The following STRBP variants were observed in gnomAD, a reference collection of about 807,000 sequenced individuals.
STRBP encodes spermatid perinuclear RNA-binding protein.
A neutral mutation model predicts 80.1 loss-of-function variants in STRBP; 13 were observed. That is an observed-to-expected ratio of 0.16 (90% CI 0.11 to 0.26). The LOEUF (loss-of-function observed/expected upper bound fraction) is 0.26, where lower values mean the gene tolerates loss of function less well. STRBP is among the 10% of genes least tolerant of loss of function. The pLI is 1.00. For synonymous variants in STRBP, 284 were observed against 291.2 expected (o/e 0.98, Z 0.25); for missense variants, 485 against 815.2 (o/e 0.59, Z 4.93).
chr9:123,196,066 C>T (rs1181204271), intron 2 of STRBP, among the ~76,000 whole-genome samples: 1 of 152,028 alleles, frequency 6.6e-6, no homozygotes, highest in African/African-American at 2.4e-5. Flanking sequence ...AGAAGTAAAT[C>T]CATACATCTC....
intron 5 of STRBP, among the ~76,000 whole-genome samples, 172 bp from the exon 6 acceptor site, chr9:123,170,218 C>T (rs1255477312): frequency 6.6e-6 from 1 of 152,170 alleles, no homozygotes; most frequent in Non-Finnish European, 1.5e-5. Context: ...TTTCTCTCCT[C>T]CCAACTTACA....
chr9:123,199,209 C>T (rs578116601), intron 2 of STRBP, among the ~76,000 whole-genome samples: 7 of 152,326 alleles, frequency 4.6e-5, no homozygotes, highest in South Asian at 2.1e-4. Context: ...GCTGGGATTA[C>T]GGGCGTGAGC....
Position 123,123,955 on chromosome 9 carries a change from G to T in STRBP, c.*1642C>A. On this transcript the variant is annotated 3_prime_UTR_variant, in exon 19 of 19. Coordinates refer to ENST00000348403, the MANE Select transcript of STRBP (RefSeq NM_018387.5). ...CTAATGCACAGGATGAGAATGATAAGTTACAGCTATTTCCAGCAAGTGATG... is the reference window on the plus strand; with the variant it reads ...CTAATGCACAGGATGAGAATGATAATTTACAGCTATTTCCAGCAAGTGATG... The T allele has an allele frequency of 4.1e-6, 4 of 985,368 alleles. No homozygotes were observed. Among genetic ancestry groups the T allele is most frequent in the Non-Finnish European group, 4.8e-6 (4 of 829,926 alleles). The allele number at this position is 985,368 out of a possible 1,614,324, so 61.0% of individuals were successfully genotyped here.
At chr9:123,218,426 G>A (rs1204636894) in intron 2 of STRBP, among the ~76,000 whole-genome samples, 2 of 141,344 alleles carry the variant, frequency 1.4e-5, no homozygotes, top group Non-Finnish European at 3.0e-5. Flanking sequence ...GCGGACTGCA[G>A]TGGCGCAATC....
chr9:123,167,942 C>A (rs2037839300), intron 6 of STRBP, among the ~76,000 whole-genome samples: 1 of 151,382 alleles, frequency 6.6e-6, no homozygotes, highest in African/African-American at 2.4e-5. Flanking sequence ...AAAGCTATGA[C>A]AAAATCTCAT....
chr9:123,146,809 G>T, intron 13 of STRBP, 46 bp downstream of exon 13: 1 of 1,471,482 alleles, frequency 6.8e-7, no homozygotes, highest in Non-Finnish European at 9.3e-7. Context: ...CATATTATTT[G>T]GAACATAAAA....
chr9:123,243,245 G>A (rs551009216), intron 1 of STRBP, among the ~76,000 whole-genome samples: 1 of 132,212 alleles, frequency 7.6e-6, no homozygotes, highest in Non-Finnish European at 1.5e-5. Context: ...TGCAGCTAGA[G>A]GAATTAGACA....
intron 11 of STRBP, among the ~76,000 whole-genome samples, chr9:123,151,947 CAAAAT>C (rs142077617): frequency 0.017 from 2,515 of 151,858 alleles, 76 homozygotes; most frequent in African/African-American, 0.057. Context: ...GAGTCATTAG[CAAAAT>C]AAAATAAGGT....
chr9:123,158,003 C>T lies in STRBP; in HGVS notation c.1045+9G>A. ...ACCCCCAACCCTAATAAAAAACTTC[C>T]ATGCTCACCTTCTTTATCAGTAACT... On this transcript the variant is annotated intron_variant, in intron 11 of 18. Transcript: ENST00000348403. 6.2e-7 allele frequency: 1 copy of T among 1,604,736 alleles called. No homozygotes were observed.
At chr9:123,144,724 C>A (rs1219664401) in intron 13 of STRBP, among the ~76,000 whole-genome samples, 1 of 152,078 alleles carries the variant, frequency 6.6e-6, no homozygotes, top group Non-Finnish European at 1.5e-5. Context: ...CCAAAAGTAA[C>A]TTTTAGAAAA....
At position 123,122,229 on chromosome 9, in the gene STRBP, T is replaced by C; in HGVS notation, c.*3368A>G. 2.2e-6 allele frequency: 2 copies of C among 925,512 alleles called. No homozygotes were observed. The highest frequency in any genetic ancestry group is 3.0e-6 in the Non-Finnish European group (2 of 661,968). 57.3% of individuals were successfully genotyped at this position (925,512 alleles called of 1,614,324 possible). A position where few individuals can be genotyped will look rare whatever the true frequency, so the allele number is the denominator to read the frequency against. ...GAGATCACAGCTTACAGTCACTATA[T>C]CTCAGCCTATTTTATACAAGTGATA... On this transcript the variant is annotated 3_prime_UTR_variant, in exon 19 of 19. Transcript: ENST00000348403.
chr9:123,117,126 G>A (rs565765319), downstream of STRBP, among the ~76,000 whole-genome samples: 3 of 152,220 alleles, frequency 2.0e-5, no homozygotes, highest in East Asian at 1.9e-4. Flanking sequence ...AATGGCAAAC[G>A]GGAAAGGGCC....
chr9:123,151,222 GA>G (rs2037044211), intron 11 of STRBP, among the ~76,000 whole-genome samples: 1 of 152,046 alleles, frequency 6.6e-6, no homozygotes, highest in Admixed American at 6.6e-5. Context: ...ATCTATAAAT[GA>G]AAAATATAAA....
At chr9:123,127,098 G>C (rs2035926256) in intron 18 of STRBP, among the ~76,000 whole-genome samples, 2 of 152,220 alleles carry the variant, frequency 1.3e-5, no homozygotes, top group South Asian at 4.1e-4. Context: ...TGCTCCGAAA[G>C]TGTGACCCTT....
Position 123,121,948 on chromosome 9 carries a change from TACAC to T in STRBP, c.*3645_*3648del, listed in dbSNP as rs55960341. 86,758 of 154,420 alleles carry T rather than the reference TACAC, an allele frequency of 0.56. 29,747 individuals carry two copies. Among genetic ancestry groups the T allele is most frequent in the Non-Finnish European group, 0.77 (53,587 of 69,884 alleles). 9.6% of individuals were successfully genotyped at this position (154,420 alleles called of 1,614,324 possible). On this transcript the variant is annotated 3_prime_UTR_variant, in exon 19 of 19. Transcript: ENST00000348403. Reference sequence around the variant, plus strand: ...ACATACGTGTTATATCCTAAGTTTCTACACACACACACACACACACACACACTTA... The same window carrying T: ...ACATACGTGTTATATCCTAAGTTTCTACACACACACACACACACACACTTA...
At chr9:123,260,445 A>ATGATG in intron 1 of STRBP, among the ~76,000 whole-genome samples, 1 of 152,232 alleles carries the variant, frequency 6.6e-6, no homozygotes. Context: ...ATTTAAGCAC[A>ATGATG]AAATAACTTC....
chr9:123,121,529 G>A (rs1006095396), downstream of STRBP: 6 of 151,956 alleles, frequency 3.9e-5, no homozygotes, highest in African/African-American at 1.5e-4. Context: ...TTCACCACCC[G>A]AGTCTTGCTG....
chr9:123,116,100 T>A, intron 2 of STRBP: 1 of 456,186 alleles, frequency 2.2e-6, no homozygotes, highest in Non-Finnish European at 4.4e-6. Context: ...ACGTAGCCTC[T>A]GCAGGAATGA....
Position 123,242,869 on chromosome 9 carries a change from A to G in STRBP, c.-301-5903T>C, listed in dbSNP as rs1376884123. ...TCTCATTCCAATCTATTAAAATCCA[A>G]TGGTAGAGACACTCCACAGTAAAAA... On this transcript the variant is annotated intron_variant, in intron 1 of 18. Coordinates refer to ENST00000348403, the MANE Select transcript of STRBP (RefSeq NM_018387.5). Among the ~76,000 whole-genome samples, 5 of 152,228 alleles carry G rather than the reference A, an allele frequency of 3.3e-5. No homozygotes were observed. The East Asian group carries it at 5.8e-4, about 18-fold the overall frequency.
Sources: allele counts gnomAD v4.1 joint callset (sites outside exome capture counted in the v4.1 genomes callset), GRCh38; gene constraint gnomAD v4.1.1; transcripts MANE v1.5; gene names NCBI Gene and HGNC (gene_info 2026-07-23, HGNC 2026-07-21).